Variants in CMTM8 observed in about 807,000 individuals in gnomAD.
CMTM8 encodes the protein CKLF-like MARVEL transmembrane domain-containing protein 8.
In CMTM8, 12 loss-of-function variants were observed where a neutral mutation model predicts 18.6. The ratio of observed to expected loss-of-function variants is 0.65; its 90% confidence interval spans 0.41 to 1.05. The LOEUF (loss-of-function observed/expected upper bound fraction) is 1.05. Ranked by LOEUF, CMTM8 falls within the 50% of genes least tolerant of loss-of-function variation. CMTM8 has a pLI of 0.00. For synonymous variants in CMTM8, 87 were observed against 90.6 expected (o/e 0.96, Z 0.23); for missense variants, 217 against 227.2 (o/e 0.95, Z 0.29).
At chr3:32,361,532 T>C (rs559877100) in intron 2 of CMTM8, among the ~76,000 whole-genome samples, 1 of 152,262 alleles carries the variant, frequency 6.6e-6, no homozygotes, top group African/African-American at 2.4e-5. Context: ...ATTTAGGGAA[T>C]CTAAGATTGT....
intron 1 of CMTM8, among the ~76,000 whole-genome samples, chr3:32,340,791 G>A (rs1696477656): frequency 6.6e-6 from 1 of 152,220 alleles, no homozygotes. Flanking sequence ...AACCCCTGGT[G>A]AAAAAGAAAG....
intron 1 of CMTM8, among the ~76,000 whole-genome samples, chr3:32,294,496 CA>C (rs939275324): frequency 7.9e-5 from 12 of 152,326 alleles, no homozygotes; most frequent in African/African-American, 2.9e-4. Flanking sequence ...TGGGAGTCTG[CA>C]GTCAGGCAGG....
intron 1 of CMTM8, among the ~76,000 whole-genome samples, chr3:32,337,342 G>A (rs1036737458): frequency 6.6e-6 from 1 of 152,184 alleles, no homozygotes; most frequent in Non-Finnish European, 1.5e-5. Context: ...AGCCAGGCCT[G>A]CACGGACAGA....
intron 1 of CMTM8, among the ~76,000 whole-genome samples, chr3:32,354,090 G>A (rs1696765835): frequency 6.6e-6 from 1 of 151,354 alleles, no homozygotes; most frequent in South Asian, 2.1e-4. Flanking sequence ...GGCTCACTGT[G>A]TTAATTTTTT....
chr3:32,336,354 A>G (rs549781294), intron 1 of CMTM8, among the ~76,000 whole-genome samples: 1 of 152,342 alleles, frequency 6.6e-6, no homozygotes, highest in South Asian at 2.1e-4. Flanking sequence ...AGGCTTGTAC[A>G]TGTAAGATTT....
intron 1 of CMTM8, among the ~76,000 whole-genome samples, chr3:32,274,261 G>A (rs915579260): frequency 3.3e-5 from 5 of 150,354 alleles, no homozygotes; most frequent in Admixed American, 6.6e-5. Context: ...AGTGAGTAGT[G>A]ATCATGCCAC....
intron 2 of CMTM8, among the ~76,000 whole-genome samples, chr3:32,361,286 G>GTTTGTTTTTTTTTTTTT (rs140270969): frequency 0.017 from 1,456 of 86,506 alleles, 72 homozygotes; most frequent in African/African-American, 0.032. Context: ...CAGCCTAAGA[G>GTTTGTTTTTTTTTTTTT]TTTTTTTTTC....
intron 1 of CMTM8, among the ~76,000 whole-genome samples, chr3:32,315,390 A>G (rs1409286546): frequency 6.6e-6 from 1 of 152,188 alleles, no homozygotes; most frequent in Non-Finnish European, 1.5e-5. Flanking sequence ...TCGGCCTCCC[A>G]AAGTGCTGGG....
At chr3:32,345,381 A>G (rs138595324) in intron 1 of CMTM8, among the ~76,000 whole-genome samples, 9 of 152,196 alleles carry the variant, frequency 5.9e-5, no homozygotes, top group East Asian at 1.9e-4. Flanking sequence ...TTTTTTCTTC[A>G]TAGAAAAACA....
chr3:32,322,019 C>T (rs554037607), intron 1 of CMTM8, among the ~76,000 whole-genome samples: 1 of 152,344 alleles, frequency 6.6e-6, no homozygotes, highest in South Asian at 2.1e-4. Context: ...AAGCCTAAAC[C>T]GTTCATTATC....
At chr3:32,362,747 A>C (rs1367689518) in intron 2 of CMTM8, among the ~76,000 whole-genome samples, 1 of 152,206 alleles carries the variant, frequency 6.6e-6, no homozygotes, top group Non-Finnish European at 1.5e-5. Flanking sequence ...TCTTCTAATG[A>C]TGGTGCCAGA....
intron 1 of CMTM8, among the ~76,000 whole-genome samples, chr3:32,281,320 C>G (rs1702606176): frequency 6.6e-6 from 1 of 152,146 alleles, no homozygotes; most frequent in Non-Finnish European, 1.5e-5. Context: ...CGTCTCTTCT[C>G]TTGGAACGTT....
intron 1 of CMTM8, among the ~76,000 whole-genome samples, chr3:32,256,284 G>A (rs1702173796): frequency 6.6e-6 from 1 of 151,964 alleles, no homozygotes; most frequent in African/African-American, 2.4e-5. Context: ...TGCCCAGGCG[G>A]GTCTCCAATT....
chr3:32,274,085 G>A (rs1028307257), intron 1 of CMTM8, among the ~76,000 whole-genome samples: 1 of 151,986 alleles, frequency 6.6e-6, no homozygotes, highest in East Asian at 1.9e-4. Context: ...TGAGATAGGC[G>A]AATCACTTGA....
At chr3:32,343,901 A>C (rs1199765081) in intron 1 of CMTM8, among the ~76,000 whole-genome samples, 2 of 152,184 alleles carry the variant, frequency 1.3e-5, no homozygotes, top group Non-Finnish European at 2.9e-5. Context: ...GGGTTTCACC[A>C]CGTTGGCCAG....
At chr3:32,351,559 C>A (rs933351095) in intron 1 of CMTM8, among the ~76,000 whole-genome samples, 2 of 151,376 alleles carry the variant, frequency 1.3e-5, no homozygotes, top group Admixed American at 6.6e-5. Context: ...AAATGAAAAT[C>A]AAAAAGTTAG....
rs557567297 is a variant in CMTM8 at position 32,325,243 on chromosome 3, G to A, written c.148-32130G>A. On this transcript the variant is annotated intron_variant, in intron 1 of 3. Transcript: ENST00000307526. ...GGGGCATTGATTTATGACCATCCCC[G>A]GTGGGTCATTACATGCCTATTTAAA... Among the ~76,000 whole-genome samples the A allele has an allele frequency of 2.0e-3, 312 of 152,254 alleles. 3 individuals carry two copies. The highest frequency in any genetic ancestry group is 6.8e-3 in the Middle Eastern group (2 of 294).
chr3:32,308,614 G>A (rs1327441664), intron 1 of CMTM8, among the ~76,000 whole-genome samples: 2 of 151,966 alleles, frequency 1.3e-5, no homozygotes, highest in Non-Finnish European at 2.9e-5. Context: ...CTGTAAAATG[G>A]GACTAATTAT....
chr3:32,265,119 A>G (rs1702316449), intron 1 of CMTM8, among the ~76,000 whole-genome samples: 1 of 152,112 alleles, frequency 6.6e-6, no homozygotes, highest in South Asian at 2.1e-4. Flanking sequence ...GACATCTACA[A>G]AACTCTCCGC....
Sources: allele counts gnomAD v4.1 joint callset (sites outside exome capture counted in the v4.1 genomes callset), GRCh38; gene constraint gnomAD v4.1.1; transcripts MANE v1.5; gene names NCBI Gene and HGNC (gene_info 2026-07-23, HGNC 2026-07-21).